Variants in M1AP observed in about 807,000 individuals in gnomAD.
The protein encoded by M1AP is meiosis 1 arrest protein.
M1AP carries 39 observed loss-of-function variants against 51.2 expected under a neutral mutation model. That is an observed-to-expected ratio of 0.76 (90% CI 0.59 to 1.00). The LOEUF is 1.00. M1AP is among the 50% of genes least tolerant of loss of function. The probability of loss-of-function intolerance (pLI) is 0.00; values close to 1 mark genes in which losing one functional copy is unlikely to be tolerated. For missense variants in M1AP, 545 were observed against 641.2 expected (o/e 0.85, Z 1.62); for synonymous variants, 251 against 249.2 (o/e 1.01, Z -0.07).
At chr2:74,647,171 G>T (rs1451420043) in intron 1 of M1AP, 2 of 964,314 alleles carry the variant, frequency 2.1e-6, no homozygotes, top group African/African-American at 3.5e-5. Context: ...ACTGGAAACA[G>T]AATCCAATAT....
intron 1 of M1AP, among the ~76,000 whole-genome samples, chr2:74,642,524 T>A (rs1384718778): frequency 6.6e-6 from 1 of 152,220 alleles, no homozygotes; most frequent in Admixed American, 6.5e-5. Flanking sequence ...ACATCATTCT[T>A]CATGGTGATA....
At position 74,576,784 on chromosome 2, in the gene M1AP, C is replaced by T. The variant is rs1573083785; in HGVS notation, c.770-166G>A. On this transcript the variant is annotated intron_variant, in intron 5 of 10. Transcript: ENST00000421985. ...AGGCAGGAGAGTGGAAAGAGGAAAG[C>T]CTGACTGGTTTGGAAAGGGAGAACA... is the stretch of plus-strand genomic sequence containing the variant. The T allele has an allele frequency of 6.4e-6, 8 of 1,248,530 alleles. No individual in the cohort carries two copies. In the African/African-American group the frequency reaches 1.2e-4, roughly 19 times the overall value. The allele number at this position is 1,248,530 out of a possible 1,614,324, so 77.3% of individuals were successfully genotyped here. A position where few individuals can be genotyped will look rare whatever the true frequency, so the allele number is the denominator to read the frequency against.
chr2:74,582,067 C>A (rs1467089532), intron 4 of M1AP, among the ~76,000 whole-genome samples: 1 of 152,148 alleles, frequency 6.6e-6, no homozygotes, highest in Admixed American at 6.5e-5. Context: ...GTAGCTGGGA[C>A]TACAAGCACT....
At chr2:74,575,633 C>A in intron 6 of M1AP, 54 bp from the exon 7 acceptor site, 1 of 1,365,098 alleles carries the variant, frequency 7.3e-7, no homozygotes, top group Non-Finnish European at 1.0e-6. Flanking sequence ...AGAACCTCCA[C>A]CTAGATCCAC....
chr2:74,609,754 T>C (rs1170430069), intron 3 of M1AP, among the ~76,000 whole-genome samples: 2 of 152,256 alleles, frequency 1.3e-5, no homozygotes. Context: ...GTAGCCATTC[T>C]AACTGGGGTG....
At chr2:74,593,834 A>C (rs1680179821) in intron 4 of M1AP, among the ~76,000 whole-genome samples, 2 of 152,242 alleles carry the variant, frequency 1.3e-5, no homozygotes, top group Admixed American at 6.5e-5. Context: ...CTGCAGTCAC[A>C]ATAGTGTGAA....
chr2:74,577,502 A>T (rs1679148268), intron 5 of M1AP, among the ~76,000 whole-genome samples: 1 of 152,266 alleles, frequency 6.6e-6, no homozygotes, highest in African/African-American at 2.4e-5. Context: ...GAAGGCTGGT[A>T]GTTGATGCTA....
intron 3 of M1AP, among the ~76,000 whole-genome samples, chr2:74,612,539 T>C (rs1167078428): frequency 6.6e-6 from 1 of 152,196 alleles, no homozygotes; most frequent in Admixed American, 6.5e-5. Context: ...CATTACTATT[T>C]TTTTTCCTTC....
intron 7 of M1AP, among the ~76,000 whole-genome samples, chr2:74,574,559 T>G (rs1678939173): frequency 6.6e-6 from 1 of 152,246 alleles, no homozygotes. Flanking sequence ...CATGTTTCCA[T>G]TTTTGCTTCT....
At chr2:74,613,900 T>C (rs900244992) in intron 3 of M1AP, among the ~76,000 whole-genome samples, 3 of 152,224 alleles carry the variant, frequency 2.0e-5, no homozygotes, top group African/African-American at 7.2e-5. Flanking sequence ...GCCATCTTCC[T>C]GCCCCAGCCT....
chr2:74,558,681 G>GT lies in M1AP; in HGVS notation c.*34dup. On this transcript the variant is annotated 3_prime_UTR_variant, in exon 11 of 11. Transcript: ENST00000421985. ...TTATGTGAACCTGAGCATGGATATG[G>GT]TTAAGCTGGGCAGCTGGGCTCTGGT... is the stretch of plus-strand genomic sequence containing the variant. 6.2e-7 allele frequency: 1 copy of GT among 1,610,034 alleles called. No individual in the cohort carries two copies. The highest frequency in any genetic ancestry group is 8.5e-7 in the Non-Finnish European group (1 of 1,178,242).
chr2:74,645,540 G>A (rs746558370), intron 1 of M1AP, among the ~76,000 whole-genome samples: 1 of 152,198 alleles, frequency 6.6e-6, no homozygotes, highest in Non-Finnish European at 1.5e-5. Flanking sequence ...ATGCCCACCA[G>A]TGTGCCCTGT....
At chr2:74,587,584 T>C (rs1208573227) in intron 4 of M1AP, among the ~76,000 whole-genome samples, 1 of 152,212 alleles carries the variant, frequency 6.6e-6, no homozygotes, top group Non-Finnish European at 1.5e-5. Flanking sequence ...ACAACTAGTA[T>C]GTATTGTGTT....
intron 2 of M1AP, among the ~76,000 whole-genome samples, chr2:74,619,997 G>A (rs1681908427): frequency 6.6e-6 from 1 of 152,136 alleles, no homozygotes; most frequent in African/African-American, 2.4e-5. Context: ...TATTTCTAGA[G>A]ATTTACGAAA....
chr2:74,641,088 C>T (rs1446409711), intron 1 of M1AP, among the ~76,000 whole-genome samples: 1 of 152,140 alleles, frequency 6.6e-6, no homozygotes, highest in Non-Finnish European at 1.5e-5. Flanking sequence ...AATATGACTA[C>T]ATTTCTCCTT....
chr2:74,638,568 G>GCT (rs1156908266), intron 2 of M1AP, among the ~76,000 whole-genome samples: 1 of 152,024 alleles, frequency 6.6e-6, no homozygotes, highest in African/African-American at 2.4e-5. Flanking sequence ...CTTCTTCATT[G>GCT]CTCTCTCTCT....
At chr2:74,648,146 A>G in intron 1 of M1AP, 119 bp downstream of exon 1, 1 of 967,280 alleles carries the variant, frequency 1.0e-6, no homozygotes, top group Non-Finnish European at 1.2e-6. Flanking sequence ...CGCCACGGCC[A>G]GCGCAACCAA....
Position 74,599,301 on chromosome 2 carries a change from CT to C in M1AP, c.595+7753del, listed in dbSNP as rs574758654. On this transcript the variant is annotated intron_variant, in intron 4 of 10. Transcript: ENST00000421985. ...AATCTTTTATTTTATGATTAGCAAA[CT>C]TTATGTCTTATTTAGGAAATGCTTC... is the stretch of plus-strand genomic sequence containing the variant. 1.3e-3 allele frequency among the ~76,000 whole-genome samples: 204 copies of C among 152,146 alleles called. 1 individual carries two copies. Among genetic ancestry groups the C allele is most frequent in the Middle Eastern group, 3.4e-3 (1 of 292 alleles).
rs1681591070 is a variant in M1AP, at chr2:74,615,134, A to G, written c.256T>C (p.Phe86Leu). 1.2e-6 allele frequency: 2 copies of G among 1,614,144 alleles called. No individual in the cohort carries two copies. Among genetic ancestry groups the G allele is most frequent in the African/African-American group, 1.3e-5 (1 of 75,054 alleles). Residue 86 changes from phenylalanine to leucine, a missense_variant, in exon 3 of 11, where the codon TTT (phenylalanine) becomes CTT (leucine). Phe to Leu is a conservative substitution (Grantham distance 22). Coordinates refer to ENST00000421985, the MANE Select transcript of M1AP (RefSeq NM_001321739.2). ...ILPFVQVKGN[F>L]ARLQTCISEL... is the part of the protein sequence containing the mutation. ...GAGATGCAGGTCTGCAACCTAGCAA[A>G]GTTCCCTTTCACTTGCTGCAGAGAA...
Sources: allele counts gnomAD v4.1 joint callset (sites outside exome capture counted in the v4.1 genomes callset), GRCh38; gene constraint gnomAD v4.1.1; transcripts MANE v1.5; gene names NCBI Gene and HGNC (gene_info 2026-07-23, HGNC 2026-07-21).